EBF1: variants seen among roughly 807,000 people sequenced by gnomAD.
EBF1 encodes the protein EBF transcription factor 1.
EBF1 carries 10 observed loss-of-function variants against 68.4 expected under a neutral mutation model. The ratio of observed to expected loss-of-function variants is 0.15; its 90% CI spans 0.09 to 0.25. EBF1 has a LOEUF of 0.25. EBF1 is among the 10% of genes least tolerant of loss of function. The pLI is 1.00. For missense variants in EBF1, 509 were observed against 794.4 expected (o/e 0.64, Z 4.32); for synonymous variants, 298 against 299.8 (o/e 0.99, Z 0.06).
chr5:158,960,763 C>T (rs966439988), intron 6 of EBF1, among the ~76,000 whole-genome samples: 2 of 152,148 alleles, frequency 1.3e-5, no homozygotes, highest in African/African-American at 4.8e-5. Flanking sequence ...TTCCTGTTTG[C>T]TCTCTGTAGG....
chr5:158,986,917 A>G (rs189293723), intron 6 of EBF1: 1 of 152,362 alleles, frequency 6.6e-6, no homozygotes, highest in Non-Finnish European at 1.5e-5. Context: ...ACCATTTCAC[A>G]TAAGGAATCT....
intron 6 of EBF1, among the ~76,000 whole-genome samples, chr5:158,885,789 C>T (rs1231335059): frequency 1.3e-5 from 2 of 152,222 alleles, no homozygotes; most frequent in African/African-American, 4.8e-5. Context: ...GTCTGCCAAG[C>T]ACCGAAGGCT....
At chr5:158,848,029 A>G (rs2127989831) in intron 6 of EBF1, among the ~76,000 whole-genome samples, 1 of 152,348 alleles carries the variant, frequency 6.6e-6, no homozygotes, top group South Asian at 2.1e-4. Flanking sequence ...CAGCTCCTCA[A>G]CTTAGCAGTT....
chr5:158,755,174 G>T (rs559861755), intron 10 of EBF1, among the ~76,000 whole-genome samples: 2 of 145,558 alleles, frequency 1.4e-5, no homozygotes, highest in Non-Finnish European at 1.5e-5. Context: ...TTATTGTTTT[G>T]TTTTTTTTTC....
chr5:159,010,815 C>T (rs72813918), intron 6 of EBF1, among the ~76,000 whole-genome samples: 17,267 of 152,194 alleles, frequency 0.11, 1,047 homozygotes, highest in South Asian at 0.16. Flanking sequence ...AGATGATGTA[C>T]GCCACAGGGC....
intron 6 of EBF1, among the ~76,000 whole-genome samples, chr5:158,965,237 C>A (rs1308479485): frequency 3.3e-5 from 5 of 152,178 alleles, no homozygotes; most frequent in African/African-American, 1.2e-4. Context: ...TGTGTGGCCA[C>A]AGGATCCATG....
At chr5:158,828,351 T>C (rs544847235) in intron 7 of EBF1, among the ~76,000 whole-genome samples, 2 of 152,298 alleles carry the variant, frequency 1.3e-5, no homozygotes, top group African/African-American at 2.4e-5. Flanking sequence ...TATTTTCAGA[T>C]AGGGCTTTGA....
At chr5:159,086,426 C>A (rs1780647436) in intron 4 of EBF1, among the ~76,000 whole-genome samples, 1 of 152,102 alleles carries the variant, frequency 6.6e-6, no homozygotes, top group Admixed American at 6.6e-5. Context: ...AAAGAAAATC[C>A]AATGCTGCAT....
chr5:158,948,083 T>C lies in EBF1; in HGVS notation c.555-107973A>G, dbSNP rs1215467575. 6.6e-5 allele frequency among the ~76,000 whole-genome samples: 10 copies of C among 152,334 alleles called. No homozygotes were observed. The South Asian group carries it at 2.1e-3, about 32-fold the overall frequency. On this transcript the variant is annotated intron_variant, in intron 6 of 15. Transcript: ENST00000313708. Reference sequence around the variant, plus strand: ...CCTAAGAACTATTCTGGAAGCAAAATTGACAGACTGTCACAGGAACAGAGA... The same window carrying C: ...CCTAAGAACTATTCTGGAAGCAAAACTGACAGACTGTCACAGGAACAGAGA...
intron 6 of EBF1, among the ~76,000 whole-genome samples, chr5:159,051,404 C>T (rs1473115292): frequency 8.7e-6 from 1 of 114,634 alleles, no homozygotes; most frequent in Non-Finnish European, 1.8e-5. Flanking sequence ...GGGCCGCATT[C>T]CCTCCCCCTC....
intron 1 of EBF1, among the ~76,000 whole-genome samples, chr5:159,098,337 G>A (rs1189492199): frequency 6.6e-6 from 1 of 152,222 alleles, no homozygotes; most frequent in Non-Finnish European, 1.5e-5. Context: ...AGGGAGCTGC[G>A]AGTGAGAGAA....
chr5:158,749,960 C>T (rs1312221594), intron 10 of EBF1, among the ~76,000 whole-genome samples: 1 of 152,054 alleles, frequency 6.6e-6, no homozygotes, highest in Non-Finnish European at 1.5e-5. Flanking sequence ...CTACAGAGAG[C>T]CTCTTTTGTA....
chr5:158,716,324 G>A (rs1331031593), intron 11 of EBF1, among the ~76,000 whole-genome samples: 4 of 151,890 alleles, frequency 2.6e-5, no homozygotes, highest in Non-Finnish European at 2.9e-5. Flanking sequence ...AATAAAACAC[G>A]TGGATCTTGT....
At position 158,698,831 on chromosome 5, in the gene EBF1, AAAG is replaced by A; in HGVS notation, c.*277_*279del. ...TTGCAGAATTAAGCTTAAAAAAAAAAAAGAAAAAGAAAAAGTGGATTTGCTTTT... is the reference window on the plus strand; with the variant it reads ...TTGCAGAATTAAGCTTAAAAAAAAAAAAAAAGAAAAAGTGGATTTGCTTTT... On this transcript the variant is annotated 3_prime_UTR_variant, in exon 16 of 16. Transcript: ENST00000313708. The A allele has an allele frequency of 3.0e-6, 1 of 330,708 alleles. No homozygotes were observed. The allele number at this position is 330,708 out of a possible 1,614,324, so 20.5% of individuals were successfully genotyped here. A position where few individuals can be genotyped will look rare whatever the true frequency, so the allele number is the denominator to read the frequency against.
At chr5:159,073,676 TG>T in intron 5 of EBF1, 1 of 554,098 alleles carries the variant, frequency 1.8e-6, no homozygotes, top group South Asian at 2.4e-5. Context: ...AAGAAGGAGG[TG>T]GGGGAGAGGG....
rs1755767819 is a variant in EBF1 at position 158,696,418 on chromosome 5, C to G, written c.*2693G>C. 4.5e-6 allele frequency: 1 copy of G among 221,454 alleles called. No homozygotes were observed. Among genetic ancestry groups the G allele is most frequent in the African/African-American group, 2.2e-5 (1 of 44,700 alleles). 13.7% of individuals were successfully genotyped at this position (221,454 alleles called of 1,614,324 possible). A position where few individuals can be genotyped will look rare whatever the true frequency, so the allele number is the denominator to read the frequency against. On this transcript the variant is annotated 3_prime_UTR_variant, in exon 16 of 16. Transcript: ENST00000313708. ...CTTTCAAGAAGAGTTCTAACCACTGCACATGGCTGACAGATGGGTAGTGTC... is the reference window on the plus strand; with the variant it reads ...CTTTCAAGAAGAGTTCTAACCACTGGACATGGCTGACAGATGGGTAGTGTC...
intron 4 of EBF1, among the ~76,000 whole-genome samples, chr5:159,088,159 G>A (rs1354304051): frequency 1.3e-5 from 2 of 152,112 alleles, no homozygotes; most frequent in African/African-American, 2.4e-5. Flanking sequence ...TTACTGAAAA[G>A]TATTGTTAAA....
At chr5:158,699,229 AC>A in intron 15 of EBF1, 87 bp from the exon 16 acceptor site, 1 of 1,241,606 alleles carries the variant, frequency 8.1e-7, no homozygotes, top group Non-Finnish European at 1.1e-6. Flanking sequence ...AAAAAAAAAC[AC>A]CCACACACAA....
rs115593244 is a variant in EBF1, at chr5:158,932,663, A to G, written c.555-92553T>C. Among the ~76,000 whole-genome samples the G allele has an allele frequency of 3.5e-3, 533 of 152,334 alleles. 2 individuals carry two copies. The highest frequency in any genetic ancestry group is 0.012 in the African/African-American group (501 of 41,562). ...TATAATTTATATCATTACATAATTT[A>G]TAACATAATCAGTCCAAACACACAT... is the stretch of plus-strand genomic sequence containing the variant. On this transcript the variant is annotated intron_variant, in intron 6 of 15. Coordinates refer to ENST00000313708, the MANE Select transcript of EBF1 (RefSeq NM_024007.5).
Sources: gnomAD v4.1 joint callset for allele counts (sites outside exome capture counted in the v4.1 genomes callset) on GRCh38, gnomAD v4.1.1 for gene constraint, MANE v1.5 for transcripts, NCBI Gene and HGNC (gene_info 2026-07-23, HGNC 2026-07-21) for gene names.